DNAH14: variants seen among roughly 807,000 people sequenced by gnomAD.
The protein encoded by DNAH14 is dynein axonemal heavy chain 14, also known as axonemal beta dynein heavy chain 14.
DNAH14 carries 478 observed loss-of-function variants against 520.9 expected under a neutral mutation model. The observed-to-expected ratio is 0.92, with a 90% CI of 0.85 to 0.99. The LOEUF (loss-of-function observed/expected upper bound fraction) is 0.99. DNAH14 is among the 50% of genes least tolerant of loss of function. DNAH14 has a pLI of 0.00. For missense variants in DNAH14, 4,831 were observed against 5,234.5 expected, an observed-to-expected ratio of 0.92 and a Z score of 2.38; for synonymous variants, 1,581 against 1,757.2, an observed-to-expected ratio of 0.90 and a Z score of 2.51.
chr1:224,978,791 A>G (rs1572203889), intron 8 of DNAH14, among the ~76,000 whole-genome samples: 1 of 152,038 alleles, frequency 6.6e-6, no homozygotes, highest in East Asian at 1.9e-4. Flanking sequence ...GGCATGCACC[A>G]CCATGCCCAG....
intron 27 of DNAH14, among the ~76,000 whole-genome samples, chr1:225,134,844 A>T (rs1486706777): frequency 2.6e-5 from 4 of 152,076 alleles, no homozygotes; most frequent in Non-Finnish European, 5.9e-5. Flanking sequence ...ATGTGAATCC[A>T]TCTGGTCTTG....
chr1:225,140,170 T>C (rs930818853), intron 27 of DNAH14, among the ~76,000 whole-genome samples: 55 of 152,198 alleles, frequency 3.6e-4, no homozygotes, highest in African/African-American at 1.3e-3. Flanking sequence ...GGCATGCTTT[T>C]CCTGCAATAG....
At chr1:225,398,479 T>C in intron 84 of DNAH14, 41 bp from the exon 85 acceptor site, 2 of 1,546,572 alleles carry the variant, frequency 1.3e-6, no homozygotes, top group Non-Finnish European at 1.7e-6. Context: ...TGGTCGCTGC[T>C]TCTCCTGGGG....
intron 8 of DNAH14, among the ~76,000 whole-genome samples, chr1:224,999,191 T>C (rs1003012150): frequency 1.3e-5 from 2 of 152,116 alleles, no homozygotes; most frequent in African/African-American, 4.8e-5. Flanking sequence ...GCCATGGATT[T>C]TTTTGTTTGT....
intron 12 of DNAH14, 145 bp from the exon 13 acceptor site, chr1:225,042,690 C>A: frequency 1.2e-6 from 1 of 827,596 alleles, no homozygotes; most frequent in Non-Finnish European, 1.8e-6. Context: ...TTTTAACATG[C>A]AAGTGTCAGG....
At chr1:225,307,264 G>T (rs1449489165) in intron 58 of DNAH14, among the ~76,000 whole-genome samples, 197 bp from the exon 59 acceptor site, 3 of 152,112 alleles carry the variant, frequency 2.0e-5, no homozygotes, top group Non-Finnish European at 4.4e-5. Flanking sequence ...TACTGATGCA[G>T]CAGTGAATTT....
intron 76 of DNAH14, among the ~76,000 whole-genome samples, chr1:225,367,008 TAC>T (rs111814272): frequency 0.014 from 2,022 of 149,462 alleles, 12 homozygotes; most frequent in East Asian, 0.025. Context: ...CTCATGTTCA[TAC>T]ACACACACAC....
Position 225,345,953 on chromosome 1 carries a change from T to C in DNAH14, c.10679-9T>C, listed in dbSNP as rs1301396005. ...TCTTTATTTAACTTCACTTTTTGTT[T>C]GTCTTTAGGATCCATATTAGATGAT... On this transcript the variant is annotated splice_polypyrimidine_tract_variant and intron_variant, in intron 69 of 85. Coordinates refer to ENST00000682510, the MANE Select transcript of DNAH14 (RefSeq NM_001367479.1). 13 of 1,534,574 alleles carry C rather than the reference T, an allele frequency of 8.5e-6. No individual in the cohort carries two copies. Among genetic ancestry groups the C allele is most frequent in the Non-Finnish European group, 1.1e-5 (12 of 1,138,822 alleles).
chr1:225,264,691 T>G (rs681643), intron 47 of DNAH14, among the ~76,000 whole-genome samples: 49,377 of 151,910 alleles, frequency 0.33, 9,409 homozygotes, highest in East Asian at 0.61. Flanking sequence ...ATTCTGACTC[T>G]CTAGTTTTGG....
At chr1:225,357,750 A>T (rs1213099638) in intron 73 of DNAH14, 1 of 701,140 alleles carries the variant, frequency 1.4e-6, no homozygotes, top group East Asian at 2.7e-5. Context: ...CCATGGTCCA[A>T]CCTGGTACAT....
chr1:225,384,032 A>G (rs898114532), intron 81 of DNAH14, among the ~76,000 whole-genome samples: 6 of 152,254 alleles, frequency 3.9e-5, no homozygotes, highest in Middle Eastern at 3.4e-3. Flanking sequence ...TTCAGTTTCC[A>G]TGTAGTTGAG....
At chr1:225,359,393 C>T (rs2150535728) in intron 74 of DNAH14, among the ~76,000 whole-genome samples, 1 of 152,268 alleles carries the variant, frequency 6.6e-6, no homozygotes, top group Non-Finnish European at 1.5e-5. Context: ...ACAAAATAAA[C>T]TATCAAAAAT....
rs1288010285 is a variant in DNAH14, at chr1:225,042,963, G to T, written c.1617G>T (p.Glu539Asp). The T allele has an allele frequency of 1.9e-6, 3 of 1,551,812 alleles. No individual in the cohort carries two copies. The highest frequency in any genetic ancestry group is 2.6e-6 in the Non-Finnish European group (3 of 1,147,050). ...SSENSKENFH[E>D]SDQCPEECVM... ...AAAATTCTAAAGAGAACTTTCATGA[G>T]TCTGACCAGTGCCCTGAAGAGTGTG... The change falls in exon 13 of 86, where the codon GAG becomes GAT. Residue 539 changes from glutamate (E) to aspartate (D), a missense_variant. Coordinates refer to ENST00000682510, the MANE Select transcript of DNAH14 (RefSeq NM_001367479.1).
chr1:225,356,290 C>T (rs1216481481), intron 73 of DNAH14, among the ~76,000 whole-genome samples: 1 of 152,202 alleles, frequency 6.6e-6, no homozygotes, highest in Non-Finnish European at 1.5e-5. Flanking sequence ...CCACATTCCT[C>T]AATGGCAGCA....
chr1:225,218,025 T>TC (rs1264238348), intron 41 of DNAH14, among the ~76,000 whole-genome samples: 3 of 152,098 alleles, frequency 2.0e-5, no homozygotes, highest in Non-Finnish European at 4.4e-5. Context: ...AACCTCCTAG[T>TC]CCCAACCCAG....
chr1:224,965,306 C>G (rs2061094686), intron 5 of DNAH14, among the ~76,000 whole-genome samples: 1 of 152,082 alleles, frequency 6.6e-6, no homozygotes, highest in Non-Finnish European at 1.5e-5. Context: ...CTCATCTGCA[C>G]CCTAGACCCA....
chr1:225,072,399 C>G (rs1366290489), intron 17 of DNAH14, among the ~76,000 whole-genome samples: 1 of 152,140 alleles, frequency 6.6e-6, no homozygotes, highest in Admixed American at 6.5e-5. Flanking sequence ...TCGTTACATT[C>G]TTCTCTTTAC....
At chr1:225,230,173 A>C (rs1267893988) in intron 41 of DNAH14, among the ~76,000 whole-genome samples, 6 of 152,160 alleles carry the variant, frequency 3.9e-5, no homozygotes, top group Admixed American at 3.9e-4. Context: ...TTCATAGCAG[A>C]ATTACTTATA....
intron 16 of DNAH14, 87 bp downstream of exon 16, chr1:225,050,463 T>A: frequency 7.4e-7 from 1 of 1,346,192 alleles, no homozygotes; most frequent in Non-Finnish European, 1.0e-6. Flanking sequence ...ATTGAAAAAT[T>A]AGGGTATCCT....
Sources: allele counts gnomAD v4.1 joint callset (sites outside exome capture counted in the v4.1 genomes callset), GRCh38; gene constraint gnomAD v4.1.1; transcripts MANE v1.5; gene names NCBI Gene and HGNC (gene_info 2026-07-23, HGNC 2026-07-21).